Variants in IL1RAPL2 observed in about 807,000 individuals in gnomAD.
IL1RAPL2 encodes interleukin 1 receptor accessory protein like 2.
Under a neutral mutation model 44.1 loss-of-function variants are expected in IL1RAPL2, and 3 were observed. The observed-to-expected ratio is 0.07, with a 90% CI of 0.03 to 0.18. The LOEUF is 0.18. Ranked by LOEUF, IL1RAPL2 falls within the 10% of genes least tolerant of loss-of-function variation. IL1RAPL2 has a pLI of 1.00. For missense variants in IL1RAPL2, 391 were observed against 496.4 expected (o/e 0.79, Z 2.02); for synonymous variants, 181 against 178.8 (o/e 1.01, Z -0.10).
intron 2 of IL1RAPL2, among the ~76,000 whole-genome samples, chrX:104,901,692 A>G (rs1923823391): frequency 9.0e-6 from 1 of 111,254 alleles, no homozygotes; most frequent in Non-Finnish European, 1.9e-5. Flanking sequence ...GGACATTGAA[A>G]CAAGAAAGAC....
chrX:105,268,837 C>T lies in IL1RAPL2; in HGVS notation c.697+1296C>T, dbSNP rs1309998489. ...AGAGATAAATTTTAGGTGCTCTTAC[C>T]ACAAAAATAAACATATGAGGAGATT... is the stretch of plus-strand genomic sequence containing the variant. On this transcript the variant is annotated intron_variant, in intron 5 of 10. Coordinates refer to ENST00000372582, the MANE Select transcript of IL1RAPL2 (RefSeq NM_017416.2). Among the ~76,000 whole-genome samples the T allele has an allele frequency of 2.7e-5, 3 of 110,702 alleles. No individual in the cohort carries two copies. In the East Asian group the frequency reaches 8.6e-4, roughly 32 times the overall value.
intron 2 of IL1RAPL2, among the ~76,000 whole-genome samples, chrX:105,067,017 GT>G (rs2032145766): frequency 9.0e-6 from 1 of 111,723 alleles, no homozygotes; most frequent in Admixed American, 9.5e-5. Context: ...AATTTGGCAA[GT>G]TTATGTTTCA....
intron 5 of IL1RAPL2, among the ~76,000 whole-genome samples, chrX:105,283,406 G>T (rs914866313): frequency 9.0e-6 from 1 of 111,347 alleles, no homozygotes; most frequent in African/African-American, 3.3e-5. Flanking sequence ...GATGAAGAGC[G>T]GGTGAAAAAT....
At chrX:105,140,259 G>A in intron 2 of IL1RAPL2, among the ~76,000 whole-genome samples, 1 of 112,145 alleles carries the variant, frequency 8.9e-6, no homozygotes, top group Non-Finnish European at 1.9e-5. Context: ...TACACCTAAG[G>A]TGGCTGTGTA....
At chrX:104,966,120 A>G (rs5917181) in intron 2 of IL1RAPL2, among the ~76,000 whole-genome samples, 46,131 of 109,535 alleles carry the variant, frequency 0.42, 7,164 homozygotes, top group East Asian at 0.46. Context: ...CAGAACAGCA[A>G]AAGCAAGAAA....
intron 5 of IL1RAPL2, among the ~76,000 whole-genome samples, chrX:105,462,941 C>T (rs750902246): frequency 5.0e-4 from 56 of 111,259 alleles, no homozygotes; most frequent in Non-Finnish European, 9.6e-4. Context: ...TTTCTCTTCC[C>T]TCTAATAGGT....
chrX:104,875,385 C>T (rs1041132555), intron 2 of IL1RAPL2, among the ~76,000 whole-genome samples: 12 of 1,084 alleles, frequency 0.011, no homozygotes, highest in Non-Finnish European at 0.016. Context: ...AAGATGCTTA[C>T]AGTCTAGTGG....
intron 5 of IL1RAPL2, among the ~76,000 whole-genome samples, chrX:105,430,833 T>C (rs2035842378): frequency 8.9e-6 from 1 of 111,829 alleles, no homozygotes; most frequent in African/African-American, 3.2e-5. Flanking sequence ...TCTGGAAAGA[T>C]ATCATTGCAA....
At chrX:105,622,278 A>T (rs867972742) in intron 6 of IL1RAPL2, among the ~76,000 whole-genome samples, 91 of 99,408 alleles carry the variant, frequency 9.2e-4, no homozygotes, top group African/African-American at 3.1e-3. Context: ...AAGTCAATAA[A>T]AATAATAATA....
chrX:104,583,533 G>A (rs1166119127), intron 1 of IL1RAPL2, among the ~76,000 whole-genome samples: 5 of 111,912 alleles, frequency 4.5e-5, no homozygotes, highest in Non-Finnish European at 9.4e-5. Context: ...CTTCGCTCTG[G>A]CATGATGTTT....
At chrX:105,377,882 T>A (rs907571994) in intron 5 of IL1RAPL2, among the ~76,000 whole-genome samples, 2 of 111,834 alleles carry the variant, frequency 1.8e-5, no homozygotes, top group African/African-American at 6.5e-5. Flanking sequence ...AGGTTTAACC[T>A]AAACTCAAAC....
chrX:104,855,347 G>T (rs1922329002), intron 2 of IL1RAPL2, among the ~76,000 whole-genome samples: 1 of 111,269 alleles, frequency 9.0e-6, no homozygotes, highest in South Asian at 3.8e-4. Flanking sequence ...ATGAGCTAGG[G>T]ATCAAGAACA....
chrX:104,789,195 C>T (rs1027122358), intron 2 of IL1RAPL2, among the ~76,000 whole-genome samples: 2 of 111,063 alleles, frequency 1.8e-5, no homozygotes, highest in African/African-American at 6.6e-5. Context: ...TTACTTGGGG[C>T]GTATTGCATG....
At chrX:105,303,680 C>T (rs2034713146) in intron 5 of IL1RAPL2, among the ~76,000 whole-genome samples, 1 of 112,203 alleles carries the variant, frequency 8.9e-6, no homozygotes, top group Admixed American at 9.4e-5. Flanking sequence ...CAAAAACAAA[C>T]ACAAGGCCTC....
At chrX:104,717,756 C>G (rs1024403845) in intron 2 of IL1RAPL2, among the ~76,000 whole-genome samples, 1 of 108,247 alleles carries the variant, frequency 9.2e-6, no homozygotes, top group African/African-American at 3.4e-5. Flanking sequence ...TGCTATCTCC[C>G]CCCCCCACCC....
chrX:104,771,988 T>G (rs1344173601), intron 2 of IL1RAPL2, among the ~76,000 whole-genome samples: 1 of 112,113 alleles, frequency 8.9e-6, no homozygotes, highest in Admixed American at 9.5e-5. Context: ...ACAGGGTACA[T>G]ATATCCCCAT....
intron 2 of IL1RAPL2, among the ~76,000 whole-genome samples, chrX:104,900,649 A>C (rs1923786053): frequency 8.9e-6 from 1 of 112,459 alleles, no homozygotes; most frequent in Admixed American, 9.4e-5. Flanking sequence ...TTGGAATAAA[A>C]GGCTACGTGG....
intron 6 of IL1RAPL2, among the ~76,000 whole-genome samples, chrX:105,579,053 T>G (rs2037070607): frequency 8.9e-6 from 1 of 111,895 alleles, no homozygotes; most frequent in African/African-American, 3.2e-5. Flanking sequence ...GCATGTCTTG[T>G]GCATGAGCTT....
intron 7 of IL1RAPL2, among the ~76,000 whole-genome samples, chrX:105,733,322 GTTAGA>G (rs2038420328): frequency 9.0e-6 from 1 of 111,068 alleles, no homozygotes; most frequent in African/African-American, 3.3e-5. Context: ...ATTTTATGCA[GTTAGA>G]AAATGATATG....
Sources: allele counts gnomAD v4.1 joint callset (sites outside exome capture counted in the v4.1 genomes callset), GRCh38; gene constraint gnomAD v4.1.1; transcripts MANE v1.5; gene names NCBI Gene and HGNC (gene_info 2026-07-23, HGNC 2026-07-21).